MAD1L1: variants seen among roughly 807,000 people sequenced by gnomAD.
MAD1L1 encodes the protein mitotic arrest deficient 1 like 1.
A neutral mutation model predicts 96.9 loss-of-function variants in MAD1L1; 95 were observed. The ratio of observed to expected loss-of-function variants is 0.98; its 90% confidence interval spans 0.83 to 1.16. The LOEUF (loss-of-function observed/expected upper bound fraction) is 1.16. MAD1L1 is among the 50% of genes most tolerant of loss of function. The pLI, the probability that MAD1L1 is intolerant of heterozygous loss-of-function variation, is 0.00. For missense variants in MAD1L1, 1,007 were observed against 954.4 expected (o/e 1.06, Z -0.73); for synonymous variants, 473 against 396.6 (o/e 1.19, Z -2.29).
At chr7:2,136,990 G>A (rs1431779519) in intron 11 of MAD1L1, among the ~76,000 whole-genome samples, 1 of 152,228 alleles carries the variant, frequency 6.6e-6, no homozygotes, top group Non-Finnish European at 1.5e-5. Context: ...GGGCTTGGCA[G>A]TGCCGGGCAT....
At chr7:2,072,087 GT>G (rs1785159248) in intron 11 of MAD1L1, among the ~76,000 whole-genome samples, 1 of 152,238 alleles carries the variant, frequency 6.6e-6, no homozygotes, top group South Asian at 2.1e-4. Context: ...AGGAACCCCA[GT>G]TTACAGCTGG....
Position 1,980,357 on chromosome 7 carries a change from T to G in MAD1L1, c.1505+96A>C, listed in dbSNP as rs1780838659. 5 of 1,019,342 alleles carry G rather than the reference T, an allele frequency of 4.9e-6. No homozygotes were observed. The South Asian group carries it at 6.1e-5, about 12-fold the overall frequency. 63.1% of individuals were successfully genotyped at this position (1,019,342 alleles called of 1,614,324 possible). A position where few individuals can be genotyped will look rare whatever the true frequency, so the allele number is the denominator to read the frequency against. On this transcript the variant is annotated intron_variant, in intron 15 of 18. Transcript: ENST00000265854. Reference sequence around the variant, plus strand: ...CTCCCCCACAGGACACACCTGGGCGTATCTGCCTCCTCCCCCGCAGGACAC... The same window carrying G: ...CTCCCCCACAGGACACACCTGGGCGGATCTGCCTCCTCCCCCGCAGGACAC...
intron 13 of MAD1L1, among the ~76,000 whole-genome samples, chr7:2,005,361 C>G (rs553867009): frequency 6.6e-6 from 1 of 152,188 alleles, no homozygotes; most frequent in East Asian, 1.9e-4. Flanking sequence ...GGGGGTTACA[C>G]ACACACTCGC....
chr7:1,983,200 C>T (rs1039399797), intron 14 of MAD1L1, among the ~76,000 whole-genome samples: 1 of 151,344 alleles, frequency 6.6e-6, no homozygotes, highest in Non-Finnish European at 1.5e-5. Flanking sequence ...GCTTGTAAGG[C>T]CTTTGCAGTT....
At chr7:2,084,814 G>A (rs916174086) in intron 11 of MAD1L1, among the ~76,000 whole-genome samples, 1 of 152,210 alleles carries the variant, frequency 6.6e-6, no homozygotes. Flanking sequence ...GACAAATACA[G>A]GGCCAAGCAC....
chr7:2,183,832 A>G (rs1395188177), intron 10 of MAD1L1, among the ~76,000 whole-genome samples: 4 of 152,142 alleles, frequency 2.6e-5, no homozygotes, highest in African/African-American at 4.8e-5. Context: ...CAGCACACCA[A>G]CATGGCACAT....
intron 14 of MAD1L1, among the ~76,000 whole-genome samples, chr7:1,997,343 C>G (rs760947592): frequency 6.6e-6 from 1 of 152,228 alleles, no homozygotes; most frequent in Non-Finnish European, 1.5e-5. Flanking sequence ...CACAGTCAGC[C>G]CTGCCTAGAA....
intron 11 of MAD1L1, 100 bp downstream of exon 11, chr7:2,149,052 G>A: frequency 3.9e-6 from 4 of 1,022,160 alleles, no homozygotes; most frequent in Non-Finnish European, 3.0e-6. Flanking sequence ...CATGATGAAG[G>A]ACAGCCATCC....
intron 18 of MAD1L1, among the ~76,000 whole-genome samples, chr7:1,877,627 T>A (rs1226678068): frequency 1.3e-5 from 2 of 152,172 alleles, no homozygotes; most frequent in Non-Finnish European, 2.9e-5. Flanking sequence ...TTCAATTAGA[T>A]GTTATCTTCA....
intron 10 of MAD1L1, among the ~76,000 whole-genome samples, chr7:2,186,121 T>TGG (rs1241765307): frequency 5.9e-5 from 9 of 152,240 alleles, no homozygotes; most frequent in African/African-American, 2.2e-4. Context: ...TAAGTACTGT[T>TGG]AACAGAAGTA....
At position 1,815,875 on chromosome 7, in the gene MAD1L1, T is replaced by A. The variant is rs1158688250; in HGVS notation, c.*195A>T. The A allele has an allele frequency of 1.7e-6, 1 of 597,730 alleles. No individual in the cohort carries two copies. Among genetic ancestry groups the A allele is most frequent in the Non-Finnish European group, 2.9e-6 (1 of 347,550 alleles). The allele number at this position is 597,730 out of a possible 1,614,324, so 37.0% of individuals were successfully genotyped here. Reference sequence around the variant, plus strand: ...CCCACACACCAGGCTCCGGGACGCATGGGGTCTGCACGTGGAGAGGGTGCT... The same window carrying A: ...CCCACACACCAGGCTCCGGGACGCAAGGGGTCTGCACGTGGAGAGGGTGCT... On this transcript the variant is annotated 3_prime_UTR_variant, in exon 19 of 19. Transcript: ENST00000265854.
intron 6 of MAD1L1, among the ~76,000 whole-genome samples, chr7:2,218,761 T>C (rs546089514): frequency 4.0e-5 from 6 of 151,858 alleles, no homozygotes; most frequent in Admixed American, 3.9e-4. Context: ...TTTTTTAAAA[T>C]TAGCCAGGTG....
At chr7:1,828,945 C>T (rs780701921) in intron 18 of MAD1L1, among the ~76,000 whole-genome samples, 4 of 152,276 alleles carry the variant, frequency 2.6e-5, no homozygotes, top group Admixed American at 2.0e-4. Flanking sequence ...GGGACGGATC[C>T]ATGCCAGATC....
chr7:1,874,148 G>C (rs56770872), intron 18 of MAD1L1, among the ~76,000 whole-genome samples: 4 of 152,142 alleles, frequency 2.6e-5, no homozygotes, highest in African/African-American at 7.2e-5. Flanking sequence ...GAAAACGAAG[G>C]TCAGGCTGCC....
At chr7:1,956,118 T>C (rs920960725) in intron 16 of MAD1L1, among the ~76,000 whole-genome samples, 6 of 152,098 alleles carry the variant, frequency 3.9e-5, no homozygotes, top group African/African-American at 1.4e-4. Context: ...ATCTTGGAAA[T>C]GGACCCCTAT....
rs139838188 is a variant in MAD1L1, at chr7:2,167,269, C to T, written c.987-18031G>A. Among the ~76,000 whole-genome samples, 1,140 of 152,262 alleles carry T rather than the reference C, an allele frequency of 7.5e-3. 10 individuals are homozygous for T. Among genetic ancestry groups the T allele is most frequent in the Middle Eastern group, 0.01 (3 of 294 alleles). On this transcript the variant is annotated intron_variant, in intron 10 of 18. Coordinates refer to ENST00000265854, the MANE Select transcript of MAD1L1 (RefSeq NM_001013836.2). Reference sequence around the variant, plus strand: ...CTACCTTTAGTCATGATTAGCAGGCCGGGCGCGGCAGCTCATGCCTGTAAT... The same window carrying T: ...CTACCTTTAGTCATGATTAGCAGGCTGGGCGCGGCAGCTCATGCCTGTAAT...
intron 13 of MAD1L1, 124 bp from the exon 14 acceptor site, chr7:2,002,245 A>G (rs1444097065): frequency 1.0e-6 from 1 of 975,324 alleles, no homozygotes; most frequent in African/African-American, 1.6e-5. Flanking sequence ...GGGACCCAGG[A>G]GCTGGGAAGT....
At chr7:2,171,310 T>C (rs1322523311) in intron 10 of MAD1L1, among the ~76,000 whole-genome samples, 2 of 152,234 alleles carry the variant, frequency 1.3e-5, no homozygotes, top group Non-Finnish European at 2.9e-5. Flanking sequence ...GGCCTCAACC[T>C]AGGCTCTTAC....
intron 17 of MAD1L1, among the ~76,000 whole-genome samples, chr7:1,914,469 A>G (rs1195887933): frequency 2.6e-5 from 4 of 152,226 alleles, no homozygotes; most frequent in Non-Finnish European, 5.9e-5. Flanking sequence ...GCCGTGTGCC[A>G]AGGCACGTGG....
Sources: allele counts gnomAD v4.1 joint callset (sites outside exome capture counted in the v4.1 genomes callset), GRCh38; gene constraint gnomAD v4.1.1; transcripts MANE v1.5; gene names NCBI Gene and HGNC (gene_info 2026-07-23, HGNC 2026-07-21).